The following COL10A1 variants were observed in gnomAD, a reference collection of about 807,000 sequenced individuals.
COL10A1 encodes the protein collagen type X alpha 1 chain.
A neutral mutation model predicts 18.2 loss-of-function variants in COL10A1; 10 were observed. That is an observed-to-expected ratio of 0.55 (90% CI 0.34 to 0.93). The LOEUF (loss-of-function observed/expected upper bound fraction) is 0.93. COL10A1 is among the 40% of genes least tolerant of loss of function. The probability of loss-of-function intolerance (pLI) is 0.02; values close to 1 mark genes in which losing one functional copy is unlikely to be tolerated. For missense variants in COL10A1, 897 were observed against 853.5 expected (o/e 1.05, Z -0.64); for synonymous variants, 330 against 316.6 (o/e 1.04, Z -0.45).
chr6:116,190,523 C>A, the COL10A1 span, among the ~76,000 whole-genome samples: 1 of 151,958 alleles, frequency 6.6e-6, no homozygotes, highest in African/African-American at 2.4e-5. Context: ...CATCCCCCCA[C>A]CTCCCATCAC....
At chr6:116,168,118 G>T in the COL10A1 span, among the ~76,000 whole-genome samples, 1 of 148,274 alleles carries the variant, frequency 6.7e-6, no homozygotes. Context: ...CTCCTTGGAG[G>T]GCTTCTCAGA....
chr6:116,168,131 T>C, the COL10A1 span, among the ~76,000 whole-genome samples: 1 of 151,320 alleles, frequency 6.6e-6, no homozygotes, highest in Non-Finnish European at 1.5e-5. Context: ...TTCTCAGATA[T>C]TCACTTAACA....
chr6:116,143,122 A>G (rs1779806569), intron 1 of COL10A1, among the ~76,000 whole-genome samples: 1 of 152,170 alleles, frequency 6.6e-6, no homozygotes, highest in South Asian at 2.1e-4. Flanking sequence ...TGCCTGATAA[A>G]TTTGCCTCTG....
chr6:116,202,207 A>G, the COL10A1 span, among the ~76,000 whole-genome samples: 1 of 151,938 alleles, frequency 6.6e-6, no homozygotes, highest in African/African-American at 2.4e-5. Context: ...AGGCTCCCCT[A>G]CCTTAGCTCT....
rs73772272 is a variant in COL10A1, at chr6:116,140,465, A to G, written c.-15-14958T>C. Among the ~76,000 whole-genome samples, 739 of 152,230 alleles carry G rather than the reference A, an allele frequency of 4.9e-3. 12 individuals are homozygous for G. Among genetic ancestry groups the G allele is most frequent in the South Asian group, 0.043 (205 of 4,820 alleles). ...GGGAAAACTTGGATATGTGTATAGT[A>G]TATATCATTCTTTTATGCTAAAGGT... On this transcript the variant is annotated intron_variant, in intron 1 of 1. Coordinates refer to the COL10A1 transcript ENST00000418500.
rs1779150031 is a variant in COL10A1, at chr6:116,122,112, T to C, written c.155-151A>G. On this transcript the variant is annotated intron_variant, in intron 2 of 2. Coordinates refer to ENST00000651968, the MANE Select transcript of COL10A1 (RefSeq NM_000493.4). ...AACAGTCTGAAATGGTTTTAGATTA[T>C]ATGTTTTATACTGTTTTAAAAAATT... 7 of 810,846 alleles carry C rather than the reference T, an allele frequency of 8.6e-6. No individual in the cohort carries two copies. In the South Asian group the frequency reaches 9.9e-5, roughly 12 times the overall value. 50.2% of individuals were successfully genotyped at this position (810,846 alleles called of 1,614,324 possible). A position where few individuals can be genotyped will look rare whatever the true frequency, so the allele number is the denominator to read the frequency against.
chr6:116,183,036 T>C, the COL10A1 span, among the ~76,000 whole-genome samples: 8 of 152,162 alleles, frequency 5.3e-5, no homozygotes, highest in African/African-American at 1.9e-4. Flanking sequence ...TCATCCATCT[T>C]AAGTTGATTT....
At chr6:116,199,996 AAGT>A in the COL10A1 span, among the ~76,000 whole-genome samples, 5 of 98,040 alleles carry the variant, frequency 5.1e-5, no homozygotes, top group African/African-American at 2.0e-4. Flanking sequence ...ACAGTATGGA[AAGT>A]GGGGGGGGAA....
At chr6:116,164,510 A>C in the COL10A1 span, among the ~76,000 whole-genome samples, 4 of 152,196 alleles carry the variant, frequency 2.6e-5, no homozygotes, top group South Asian at 2.1e-4. Flanking sequence ...TTTAGGCAGC[A>C]GATGGTTGAA....
chr6:116,183,675 G>A, the COL10A1 span, among the ~76,000 whole-genome samples: 1 of 151,576 alleles, frequency 6.6e-6, no homozygotes, highest in Non-Finnish European at 1.5e-5. Context: ...TATAAAAGGG[G>A]TTGAGTTCTT....
At chr6:116,161,092 C>T (rs1211359006), upstream of COL10A1, among the ~76,000 whole-genome samples, 1 of 149,786 alleles carries the variant, frequency 6.7e-6, no homozygotes, top group Non-Finnish European at 1.5e-5. Flanking sequence ...ATCGTAAGAA[C>T]AAAAAACCAA....
At chr6:116,172,386 A>G in the COL10A1 span, among the ~76,000 whole-genome samples, 2 of 148,754 alleles carry the variant, frequency 1.3e-5, no homozygotes, top group African/African-American at 2.5e-5. Context: ...CAGTGCCACA[A>G]TCTTGGCTCG....
chr6:116,166,958 T>A, the COL10A1 span, among the ~76,000 whole-genome samples: 2 of 152,206 alleles, frequency 1.3e-5, no homozygotes, highest in Non-Finnish European at 2.9e-5. Flanking sequence ...CTTGTCTTTA[T>A]TAATTGTTTT....
Position 116,121,849 on chromosome 6 carries a change from T to C in COL10A1, c.267A>G (p.Gly89=). The change falls in exon 3 of 3, where the codon GGA becomes GGG. Residue 89 remains glycine, a synonymous_variant. Coordinates refer to ENST00000651968, the MANE Select transcript of COL10A1 (RefSeq NM_000493.4). ...PPGKPGYGSP[G]LQGEPGLPGP... ...CTGGCAACCCTGGCTCTCCTTGGAG[T>C]CCAGGACTTCCGTAGCCTGGTTTTC... is the stretch of plus-strand genomic sequence containing the variant. 2 of 1,613,832 alleles carry C rather than the reference T, an allele frequency of 1.2e-6. No individual in the cohort carries two copies. Among genetic ancestry groups the C allele is most frequent in the East Asian group, 2.2e-5 (1 of 44,860 alleles).
chr6:116,210,467 C>G, the COL10A1 span, among the ~76,000 whole-genome samples: 1 of 152,012 alleles, frequency 6.6e-6, no homozygotes, highest in South Asian at 2.1e-4. Flanking sequence ...GAAAGCAGAC[C>G]GCCTGCATTC....
chr6:116,196,826 T>G, the COL10A1 span, among the ~76,000 whole-genome samples: 1 of 151,926 alleles, frequency 6.6e-6, no homozygotes, highest in Admixed American at 6.6e-5. Flanking sequence ...AACACTCACA[T>G]AGTGCTTACC....
At chr6:116,138,324 A>T (rs569452557) in intron 1 of COL10A1, among the ~76,000 whole-genome samples, 10 of 152,202 alleles carry the variant, frequency 6.6e-5, no homozygotes, top group Non-Finnish European at 1.3e-4. Flanking sequence ...TTTAGGATTT[A>T]TGAGAAACAG....
At chr6:116,178,142 T>G in the COL10A1 span, among the ~76,000 whole-genome samples, 1 of 150,528 alleles carries the variant, frequency 6.6e-6, no homozygotes, top group Admixed American at 6.6e-5. Flanking sequence ...TGTTTACTAG[T>G]GGGACTGGGT....
chr6:116,154,898 C>G (rs1466396838), intron 1 of COL10A1, among the ~76,000 whole-genome samples: 1 of 152,058 alleles, frequency 6.6e-6, no homozygotes, highest in Non-Finnish European at 1.5e-5. Flanking sequence ...CATTTTTCTT[C>G]ATAAGATAAA....
Sources: gnomAD v4.1 joint callset for allele counts (sites outside exome capture counted in the v4.1 genomes callset) on GRCh38, gnomAD v4.1.1 for gene constraint, MANE v1.5 for transcripts, NCBI Gene and HGNC (gene_info 2026-07-23, HGNC 2026-07-21) for gene names.